The following CSPG5 variants were observed in gnomAD, a reference collection of about 807,000 sequenced individuals.
The protein encoded by CSPG5 is acidic leucine-rich EGF-like domain-containing brain protein.
CSPG5 carries 25 observed loss-of-function variants against 39.8 expected under a neutral mutation model. That is an observed-to-expected ratio of 0.63 (90% CI 0.46 to 0.88). The LOEUF is 0.88. CSPG5 is among the 40% of genes least tolerant of loss of function. The pLI is 0.00. For missense variants in CSPG5, 627 were observed against 702.2 expected, an observed-to-expected ratio of 0.89 and a Z score of 1.21; for synonymous variants, 295 against 303.9, an observed-to-expected ratio of 0.97 and a Z score of 0.31.
chr3:47,567,141 C>T (rs1286639140), intron 4 of CSPG5, among the ~76,000 whole-genome samples: 1 of 152,186 alleles, frequency 6.6e-6, no homozygotes, highest in African/African-American at 2.4e-5. Context: ...ATTAGAAACA[C>T]AAGGGTCAGA....
At chr3:47,567,740 G>C (rs2031367271) in intron 4 of CSPG5, among the ~76,000 whole-genome samples, 2 of 152,208 alleles carry the variant, frequency 1.3e-5, no homozygotes, top group Non-Finnish European at 2.9e-5. Flanking sequence ...GGCCAGGCAT[G>C]GTAGCTCACA....
chr3:47,563,013 T>C (rs1442525771), intron 4 of CSPG5, among the ~76,000 whole-genome samples: 2 of 152,212 alleles, frequency 1.3e-5, no homozygotes, highest in Non-Finnish European at 2.9e-5. Flanking sequence ...ATTTGTGCCA[T>C]GTCCAAGGTT....
rs1193392684 is a variant in CSPG5, at chr3:47,572,182, GTGGTGC to G, written c.1382+498_1382+503del. On this transcript the variant is annotated intron_variant, in intron 3 of 4. Transcript: ENST00000264723. The surrounding 1 kb of genome is among the most constrained non-coding windows in gnomAD (Gnocchi z 4.5). ...ACTAGCTTTCAAAAAGCAATGCAGT[GTGGTGC>G]TAAATAAACCCTTTCTCCTCAGTGT... Among the ~76,000 whole-genome samples, 4 of 152,352 alleles carry G rather than the reference GTGGTGC, an allele frequency of 2.6e-5. No individual in the cohort carries two copies. Among genetic ancestry groups the G allele is most frequent in the African/African-American group, 9.6e-5 (4 of 41,590 alleles).
intron 2 of CSPG5, among the ~76,000 whole-genome samples, chr3:47,576,461 G>GTTTTTT (rs397769662): frequency 3.0e-5 from 4 of 135,324 alleles, no homozygotes; most frequent in Non-Finnish European, 6.4e-5. Flanking sequence ...GTTTTGTTTT[G>GTTTTTT]TTTTTTTTTT....
chr3:47,570,514 C>CT (rs71281899), intron 3 of CSPG5, among the ~76,000 whole-genome samples: 34,095 of 145,282 alleles, frequency 0.23, 4,813 homozygotes, highest in Admixed American at 0.31. Context: ...TCACCTAGAG[C>CT]TTTTTTTTTT....
chr3:47,567,602 C>T (rs1297684550), intron 4 of CSPG5, among the ~76,000 whole-genome samples: 2 of 152,192 alleles, frequency 1.3e-5, no homozygotes, highest in African/African-American at 4.8e-5. Flanking sequence ...TTTAAATTCA[C>T]CCATTTACTT....
chr3:47,570,237 CTCCCT>C (rs1350990432), intron 3 of CSPG5, among the ~76,000 whole-genome samples: 4 of 150,998 alleles, frequency 2.6e-5, no homozygotes, highest in Admixed American at 2.0e-4. Context: ...TCCTAATGCT[CTCCCT>C]TCCCTCTTCC....
intron 2 of CSPG5, among the ~76,000 whole-genome samples, chr3:47,574,067 C>T (rs1410396556): frequency 2.0e-5 from 3 of 152,084 alleles, no homozygotes; most frequent in Non-Finnish European, 1.5e-5. Flanking sequence ...GTGTACACAG[C>T]CAGGGGAGGA....
At chr3:47,574,751 AAC>A (rs1400468593) in intron 2 of CSPG5, among the ~76,000 whole-genome samples, 1 of 152,116 alleles carries the variant, frequency 6.6e-6, no homozygotes, top group Non-Finnish European at 1.5e-5. Flanking sequence ...CATCCTGGCT[AAC>A]ACAGTGAAAT....
In CSPG5 at chr3:47,562,761, C is replaced by T. The variant is rs1487535496; in HGVS notation, c.1459G>A (p.Asp487Asn). The T allele has an allele frequency of 2.5e-6, 4 of 1,609,558 alleles. No individual in the cohort carries two copies. The highest frequency in any genetic ancestry group is 3.4e-6 in the Non-Finnish European group (4 of 1,178,014). ...ATTTTGTGGGGAGCACTAGGATCAT[C>T]CTGGAAGAGGGAAAAAGTTGGGGGG... ...STIAEGSHPN[D>N]DPSAPHKIQE... The change falls in exon 5 of 5, where the codon GAT becomes AAT. Residue 487 changes from aspartate (D) to asparagine (N), a missense_variant and splice_region_variant. By Grantham distance (23) the Asp-to-Asn change is conservative. Coordinates refer to ENST00000264723, the MANE Select transcript of CSPG5 (RefSeq NM_006574.4).
rs531303824 is a variant in CSPG5 at position 47,576,762 on chromosome 3, G to A, written c.1193+71C>T. 8.2e-5 allele frequency: 122 copies of A among 1,487,010 alleles called. 2 individuals carry two copies. The Admixed American group carries it at 2.1e-3, about 25-fold the overall frequency. The allele number at this position is 1,487,010 out of a possible 1,614,324, so 92.1% of individuals were successfully genotyped here. On this transcript the variant is annotated intron_variant, in intron 2 of 4. Transcript: ENST00000264723. ...GGCGTGAGCCAACGCGCCCGGCTAC[G>A]CTGCCCTCTGTTGAGTCGGCCTCAC... is the stretch of plus-strand genomic sequence containing the variant.
chr3:47,562,747 A>T lies in CSPG5; in HGVS notation c.1473T>A (p.Ala491=), dbSNP rs751351353. 4.8e-5 allele frequency: 78 copies of T among 1,612,186 alleles called. No homozygotes were observed. The highest frequency in any genetic ancestry group is 6.5e-5 in the Non-Finnish European group (77 of 1,179,250). ...TGAGAACCTCCTGGATTTTGTGGGGAGCACTAGGATCATCCTGGAAGAGGG... is the reference window on the plus strand; with the variant it reads ...TGAGAACCTCCTGGATTTTGTGGGGTGCACTAGGATCATCCTGGAAGAGGG... ...EGSHPNDDPS[A]PHKIQEVLKS... The change falls in exon 5 of 5, where the codon GCT becomes GCA. Residue 491 remains alanine (A), a synonymous_variant. Transcript: ENST00000264723.
Position 47,578,608 on chromosome 3 carries a change from C to G in CSPG5, c.86G>C (p.Gly29Ala). Residue 29 changes from glycine to alanine, a missense_variant, in exon 1 of 5, where the codon GGG (glycine) becomes GCG (alanine). By Grantham distance (60) the Gly-to-Ala change is moderately conservative (BLOSUM62 0). Coordinates refer to ENST00000264723, the MANE Select transcript of CSPG5 (RefSeq NM_006574.4). The surrounding 1 kb of genome is among the most constrained non-coding windows in gnomAD (Gnocchi z 6.0). ...GCAGTCATACCTACCCGGCACGGCCCCAGAGGCCAGGACCAGCGCGGCCCC... is the reference window on the plus strand; with the variant it reads ...GCAGTCATACCTACCCGGCACGGCCGCAGAGGCCAGGACCAGCGCGGCCCC... ...FLGAALVLAS[G>A]AVPAREAGSA... 8.6e-7 allele frequency: 1 copy of G among 1,166,834 alleles called. No homozygotes were observed. Among genetic ancestry groups the G allele is most frequent in the Non-Finnish European group, 1.1e-6 (1 of 942,604 alleles). The allele number at this position is 1,166,834 out of a possible 1,614,324, so 72.3% of individuals were successfully genotyped here.
At position 47,563,239 on chromosome 3, in the gene CSPG5, TC is replaced by T. The variant is rs370346809; in HGVS notation, c.1459-479del. On this transcript the variant is annotated intron_variant, in intron 4 of 4. Coordinates refer to ENST00000264723, the MANE Select transcript of CSPG5 (RefSeq NM_006574.4). The stretch of plus-strand genomic sequence containing the variant: ...TAGAACTGGTAAAGTGCAGAACTGC[TC>T]CTGACTATGCTGGGGCCTCTCTCCC... Among the ~76,000 whole-genome samples, 197 of 152,286 alleles carry T rather than the reference TC, an allele frequency of 1.3e-3. 3 individuals carry two copies. In the South Asian group the frequency reaches 0.039, roughly 30 times the overall value.
intron 3 of CSPG5, among the ~76,000 whole-genome samples, chr3:47,571,096 A>T (rs1159313293): frequency 1.7e-4 from 4 of 23,706 alleles, no homozygotes; most frequent in African/African-American, 3.2e-4. Context: ...CAATTAAATT[A>T]AAAAAAAAAA....
intron 4 of CSPG5, among the ~76,000 whole-genome samples, chr3:47,564,736 A>C (rs1458274491): frequency 6.6e-6 from 1 of 151,990 alleles, no homozygotes; most frequent in East Asian, 1.9e-4. Context: ...TGTATAGCAA[A>C]CTCTCATTTA....
At position 47,577,967 on chromosome 3, in the gene CSPG5, C is replaced by A. The variant is rs1396240651; in HGVS notation, c.98-39G>T. On this transcript the variant is annotated intron_variant, in intron 1 of 4. Coordinates refer to ENST00000264723, the MANE Select transcript of CSPG5 (RefSeq NM_006574.4). This position sits in a 1 kb window ranked among gnomAD's most constrained non-coding sequence, Gnocchi z 4.7. ...GGCAAGGGGCGGGACGTCAGGGCGG[C>A]GCGCTGAGGAGCCCTGGAGCCCCGG... is the stretch of plus-strand genomic sequence containing the variant. 3 of 1,378,508 alleles carry A rather than the reference C, an allele frequency of 2.2e-6. No individual in the cohort carries two copies. Among genetic ancestry groups the A allele is most frequent in the Non-Finnish European group, 2.8e-6 (3 of 1,075,900 alleles). The allele number at this position is 1,378,508 out of a possible 1,614,324, so 85.4% of individuals were successfully genotyped here.
chr3:47,576,871 G>A lies in CSPG5; in HGVS notation c.1155C>T (p.Gly385=). 1.3e-6 allele frequency: 2 copies of A among 1,585,012 alleles called. No homozygotes were observed. Among genetic ancestry groups the A allele is most frequent in the Non-Finnish European group, 1.7e-6 (2 of 1,163,372 alleles). Residue 385 remains glycine (G), a synonymous_variant, in exon 2 of 5, where the codon GGC becomes GGT. Coordinates refer to ENST00000264723, the MANE Select transcript of CSPG5 (RefSeq NM_006574.4). ...CTATGTTCTCCACCAGGTAGCACTGGCCGCCATTGTGACAGTAACTTGGGA... is the reference window on the plus strand; with the variant it reads ...CTATGTTCTCCACCAGGTAGCACTGACCGCCATTGTGACAGTAACTTGGGA... ...DLFPSYCHNG[G]QCYLVENIGA...
chr3:47,569,680 A>C (rs1474800328), intron 3 of CSPG5, among the ~76,000 whole-genome samples: 1 of 151,820 alleles, frequency 6.6e-6, no homozygotes, highest in Non-Finnish European at 1.5e-5. Context: ...AATTATTTTA[A>C]ATTTTATTGA....
Sources: gnomAD v4.1 joint callset for allele counts (sites outside exome capture counted in the v4.1 genomes callset) on GRCh38, gnomAD v4.1.1 for gene constraint, Gnocchi (gnomAD v3.1) non-coding constraint, MANE v1.5 for transcripts, NCBI Gene and HGNC (gene_info 2026-07-23, HGNC 2026-07-21) for gene names.